Variants in LRFN5 observed in about 807,000 individuals in gnomAD.
LRFN5 encodes leucine rich repeat and fibronectin type III domain containing 5.
LRFN5 carries 24 observed loss-of-function variants against 45.6 expected under a neutral mutation model. The ratio of observed to expected loss-of-function variants is 0.53; its 90% confidence interval spans 0.38 to 0.74. LRFN5 has a LOEUF of 0.74. Among genes scored for constraint, LRFN5 ranks in the 30% least tolerant of loss-of-function variants. The pLI, the probability that LRFN5 is intolerant of heterozygous loss-of-function variation, is 0.00. For missense variants in LRFN5, 776 were observed against 861.5 expected (o/e 0.90, Z 1.24); for synonymous variants, 340 against 313.8 (o/e 1.08, Z -0.88).
chr14:41,816,763 G>C (rs1356394393), intron 2 of LRFN5, among the ~76,000 whole-genome samples: 1 of 151,898 alleles, frequency 6.6e-6, no homozygotes, highest in Non-Finnish European at 1.5e-5. Flanking sequence ...TTTGACATAT[G>C]TACTGCTTGG....
intron 2 of LRFN5, among the ~76,000 whole-genome samples, chr14:41,867,403 A>C (rs1401764335): frequency 6.6e-6 from 1 of 151,954 alleles, no homozygotes; most frequent in Non-Finnish European, 1.5e-5. Flanking sequence ...CATGGTGAAA[A>C]TCCTAATGCC....
At chr14:41,778,064 G>T (rs1334046742) in intron 2 of LRFN5, among the ~76,000 whole-genome samples, 3 of 150,550 alleles carry the variant, frequency 2.0e-5, no homozygotes, top group Non-Finnish European at 4.5e-5. Context: ...CTCAATATTT[G>T]ATAATTTTTA....
At chr14:41,688,850 T>C (rs933411436) in intron 1 of LRFN5, among the ~76,000 whole-genome samples, 14 of 148,828 alleles carry the variant, frequency 9.4e-5, no homozygotes, top group Non-Finnish European at 1.6e-4. Flanking sequence ...GGCAGAAGGA[T>C]CTCTTGAGGC....
chr14:41,870,041 C>T (rs907415936), intron 2 of LRFN5, among the ~76,000 whole-genome samples: 4 of 152,090 alleles, frequency 2.6e-5, no homozygotes, highest in African/African-American at 9.7e-5. Flanking sequence ...CATGTATTAT[C>T]TCCAGTTGTC....
chr14:41,893,490 T>G, intron 4 of LRFN5: 1 of 981,932 alleles, frequency 1.0e-6, no homozygotes, highest in Non-Finnish European at 1.2e-6. Context: ...ATAGGTACTT[T>G]ACTATCTTAT....
intron 2 of LRFN5, among the ~76,000 whole-genome samples, chr14:41,841,360 G>A (rs539709896): frequency 7.9e-5 from 12 of 151,956 alleles, no homozygotes; most frequent in Admixed American, 7.2e-4. Context: ...GAAATTTAGG[G>A]CTGTAGAGAT....
rs116673269 is a variant in LRFN5, at chr14:41,896,773, T to C, written c.2099-2144T>C. 2.6e-5 allele frequency among the ~76,000 whole-genome samples: 4 copies of C among 152,192 alleles called. No homozygotes were observed. The South Asian group carries it at 8.3e-4, about 32-fold the overall frequency. Reference sequence around the variant, plus strand: ...TTTTTCCACAGAAACAATCAATTCATGTAGCAGGGTACAGAAGGCCACTTA... The same window carrying C: ...TTTTTCCACAGAAACAATCAATTCACGTAGCAGGGTACAGAAGGCCACTTA... On this transcript the variant is annotated intron_variant, in intron 4 of 5. Coordinates refer to ENST00000298119, the MANE Select transcript of LRFN5 (RefSeq NM_152447.5).
chr14:41,626,820 A>G (rs986421042), intron 1 of LRFN5, among the ~76,000 whole-genome samples: 15 of 152,130 alleles, frequency 9.9e-5, no homozygotes, highest in African/African-American at 3.6e-4. Context: ...CGAAAAGGTT[A>G]ATAGGTTCTG....
chr14:41,674,862 C>T (rs1242439438), intron 1 of LRFN5, among the ~76,000 whole-genome samples: 2 of 150,582 alleles, frequency 1.3e-5, no homozygotes, highest in African/African-American at 2.5e-5. Context: ...GGTTGCCGGG[C>T]GGAGGGTCTC....
At chr14:41,696,468 G>A (rs765375797) in intron 1 of LRFN5, among the ~76,000 whole-genome samples, 4 of 150,076 alleles carry the variant, frequency 2.7e-5, no homozygotes, top group African/African-American at 4.9e-5. Context: ...CAAATGATGC[G>A]GCATTATTGT....
At chr14:41,879,628 G>C (rs181845770) in intron 2 of LRFN5, among the ~76,000 whole-genome samples, 2 of 150,776 alleles carry the variant, frequency 1.3e-5, no homozygotes, top group African/African-American at 4.9e-5. Context: ...TGGACATATA[G>C]ATCTCCACCT....
At chr14:41,846,584 G>A (rs112032232) in intron 2 of LRFN5, among the ~76,000 whole-genome samples, 1,550 of 152,156 alleles carry the variant, frequency 0.01, 26 homozygotes, top group African/African-American at 0.036. Context: ...TCTTAATCTG[G>A]ATGCTAGTTA....
chr14:41,779,070 ATTG>A (rs1886392811), intron 2 of LRFN5, among the ~76,000 whole-genome samples: 1 of 151,666 alleles, frequency 6.6e-6, no homozygotes, highest in African/African-American at 2.4e-5. Flanking sequence ...ACATTCTTAT[ATTG>A]TTCTTGATTT....
At chr14:41,870,354 C>T (rs1483477544) in intron 2 of LRFN5, among the ~76,000 whole-genome samples, 1 of 152,138 alleles carries the variant, frequency 6.6e-6, no homozygotes, top group African/African-American at 2.4e-5. Context: ...AATCTGTTTT[C>T]CTGCTGCTAA....
chr14:41,681,105 A>C (rs1178235220), intron 1 of LRFN5, among the ~76,000 whole-genome samples: 1 of 152,126 alleles, frequency 6.6e-6, no homozygotes, highest in Admixed American at 6.6e-5. Flanking sequence ...TAAAAAAATG[A>C]AGCACACCTA....
chr14:41,902,270 C>G (rs1891125316), intron 5 of LRFN5, among the ~76,000 whole-genome samples: 1 of 151,830 alleles, frequency 6.6e-6, no homozygotes, highest in Non-Finnish European at 1.5e-5. Context: ...ACATCCTAAA[C>G]CTACTACAAC....
intron 2 of LRFN5, among the ~76,000 whole-genome samples, chr14:41,847,483 A>C (rs554918737): frequency 6.6e-6 from 1 of 152,274 alleles, no homozygotes; most frequent in South Asian, 2.1e-4. Flanking sequence ...TTAAAATTGA[A>C]CATAACTCCT....
chr14:41,698,771 G>A (rs1882718712), intron 1 of LRFN5, among the ~76,000 whole-genome samples: 1 of 151,892 alleles, frequency 6.6e-6, no homozygotes, highest in South Asian at 2.1e-4. Context: ...TAGCAAATAT[G>A]CTCTTTCAGT....
intron 1 of LRFN5, among the ~76,000 whole-genome samples, chr14:41,610,650 C>T (rs1165954595): frequency 4.5e-4 from 12 of 26,784 alleles, no homozygotes; most frequent in African/African-American, 1.5e-3. Context: ...CCTCTGAGGT[C>T]CCAGGGAAGG....
Sources: allele counts gnomAD v4.1 joint callset (sites outside exome capture counted in the v4.1 genomes callset), GRCh38; gene constraint gnomAD v4.1.1; transcripts MANE v1.5; gene names NCBI Gene and HGNC (gene_info 2026-07-23, HGNC 2026-07-21).